Variants in SLC39A11 observed in about 807,000 individuals in gnomAD.
The protein encoded by SLC39A11 is zinc transporter ZIP11.
A neutral mutation model predicts 36.1 loss-of-function variants in SLC39A11; 33 were observed. The ratio of observed to expected loss-of-function variants is 0.91; its 90% CI spans 0.69 to 1.22. SLC39A11 has a LOEUF of 1.22. Among genes scored for constraint, SLC39A11 ranks in the 50% most tolerant of loss-of-function variants. The pLI is 0.00. For missense variants in SLC39A11, 432 were observed against 430.3 expected, an observed-to-expected ratio of 1.00 and a Z score of -0.03; for synonymous variants, 166 against 170.3, an observed-to-expected ratio of 0.97 and a Z score of 0.20.
intron 6 of SLC39A11, among the ~76,000 whole-genome samples, chr17:72,751,938 C>T (rs778800586): frequency 1.3e-5 from 2 of 152,010 alleles, no homozygotes; most frequent in African/African-American, 4.8e-5. Context: ...GATCCCCATT[C>T]CTCCTCCTCC....
intron 5 of SLC39A11, among the ~76,000 whole-genome samples, chr17:72,875,922 T>C (rs1326507853): frequency 6.6e-6 from 1 of 152,192 alleles, no homozygotes; most frequent in Non-Finnish European, 1.5e-5. Context: ...GGCAACATCC[T>C]GGAGCTACCA....
At chr17:72,970,635 T>TGCACC (rs1326894213) in intron 4 of SLC39A11, among the ~76,000 whole-genome samples, 4 of 152,220 alleles carry the variant, frequency 2.6e-5, no homozygotes, top group African/African-American at 9.6e-5. Flanking sequence ...TCAGCTGTAA[T>TGCACC]GCACCGGGAA....
At chr17:72,996,266 T>TG (rs1372459604) in intron 4 of SLC39A11, among the ~76,000 whole-genome samples, 1 of 152,210 alleles carries the variant, frequency 6.6e-6, no homozygotes, top group Non-Finnish European at 1.5e-5. Context: ...CGTGGCCGCT[T>TG]GAACGTTTGG....
chr17:72,708,357 T>C (rs181637910), intron 7 of SLC39A11, among the ~76,000 whole-genome samples: 1 of 152,310 alleles, frequency 6.6e-6, no homozygotes, highest in East Asian at 1.9e-4. Flanking sequence ...GGAAAAATAC[T>C]CTCCAGCAGA....
At chr17:72,807,047 CT>C (rs2077278503) in intron 6 of SLC39A11, among the ~76,000 whole-genome samples, 1 of 152,146 alleles carries the variant, frequency 6.6e-6, no homozygotes, top group Non-Finnish European at 1.5e-5. Flanking sequence ...TCAACTTCAT[CT>C]TTTCATCCTT....
chr17:72,664,072 C>G (rs192367293), intron 7 of SLC39A11: 1 of 160,654 alleles, frequency 6.2e-6, no homozygotes, highest in South Asian at 2.1e-4. Flanking sequence ...AAGGGACACC[C>G]GCCTAGCCAG....
At chr17:72,916,082 T>C (rs1051916477) in intron 5 of SLC39A11, among the ~76,000 whole-genome samples, 1 of 152,162 alleles carries the variant, frequency 6.6e-6, no homozygotes, top group Non-Finnish European at 1.5e-5. Context: ...GAACTTCTGC[T>C]CAATTAATGA....
intron 3 of SLC39A11, among the ~76,000 whole-genome samples, chr17:73,035,531 A>ACT (rs2058878461): frequency 6.6e-6 from 1 of 152,126 alleles, no homozygotes; most frequent in Non-Finnish European, 1.5e-5. Context: ...AGTAAAAAGG[A>ACT]CTCTGCACAT....
At chr17:72,806,707 T>C (rs11653844) in intron 6 of SLC39A11, among the ~76,000 whole-genome samples, 4 of 152,102 alleles carry the variant, frequency 2.6e-5, no homozygotes, top group African/African-American at 9.7e-5. Flanking sequence ...CTCAGCCTCC[T>C]GAGTAGCTGG....
intron 7 of SLC39A11, among the ~76,000 whole-genome samples, chr17:72,678,770 A>G (rs61105308): frequency 0.23 from 35,339 of 151,930 alleles, 4,202 homozygotes; most frequent in South Asian, 0.3. Context: ...TCATCGATTC[A>G]CAAATAATTT....
At chr17:72,967,399 A>AGTGTGTGTGTGTGTGT (rs1555655753) in intron 4 of SLC39A11, among the ~76,000 whole-genome samples, 131 of 138,274 alleles carry the variant, frequency 9.5e-4, no homozygotes, top group African/African-American at 3.6e-3. Context: ...AGAGAGAGAG[A>AGTGTGTGTGTGTGTGT]GTGTGTGTGT....
At chr17:72,853,605 G>T (rs774096767) in intron 5 of SLC39A11, among the ~76,000 whole-genome samples, 7 of 152,024 alleles carry the variant, frequency 4.6e-5, no homozygotes, top group Non-Finnish European at 8.8e-5. Flanking sequence ...TGCACGCCTG[G>T]CCCCAGGCTT....
At chr17:72,726,043 C>T in intron 7 of SLC39A11, among the ~76,000 whole-genome samples, 1 of 152,182 alleles carries the variant, frequency 6.6e-6, no homozygotes, top group Non-Finnish European at 1.5e-5. Context: ...AGCCACTCTC[C>T]AGGGAGACCA....
intron 6 of SLC39A11, among the ~76,000 whole-genome samples, chr17:72,821,454 C>T (rs1249065061): frequency 1.5e-5 from 2 of 131,024 alleles, no homozygotes; most frequent in African/African-American, 2.9e-5. Flanking sequence ...TGTGGTGAGC[C>T]AAGATTGTAC....
chr17:72,779,578 T>C (rs1568077742), intron 6 of SLC39A11, among the ~76,000 whole-genome samples: 2 of 152,192 alleles, frequency 1.3e-5, no homozygotes, highest in African/African-American at 4.8e-5. Context: ...CACCTGACCG[T>C]GCTAACCCAT....
chr17:72,752,495 T>C (rs2075194806), intron 6 of SLC39A11, among the ~76,000 whole-genome samples: 1 of 152,172 alleles, frequency 6.6e-6, no homozygotes, highest in Non-Finnish European at 1.5e-5. Context: ...TCTGCCTGCC[T>C]CAGCCTCCCA....
At chr17:72,740,893 G>A (rs1322828512) in intron 6 of SLC39A11, among the ~76,000 whole-genome samples, 1 of 152,162 alleles carries the variant, frequency 6.6e-6, no homozygotes, top group Non-Finnish European at 1.5e-5. Flanking sequence ...TCCTGCCTCA[G>A]CCTCCCGAGT....
intron 6 of SLC39A11, among the ~76,000 whole-genome samples, chr17:72,791,383 C>G (rs140018385): frequency 6.6e-6 from 1 of 152,154 alleles, no homozygotes; most frequent in South Asian, 2.1e-4. Flanking sequence ...ACCTGGGAGG[C>G]AGAGATTGCA....
intron 6 of SLC39A11, among the ~76,000 whole-genome samples, chr17:72,780,546 G>T (rs964146424): frequency 6.7e-6 from 1 of 149,356 alleles, no homozygotes; most frequent in Non-Finnish European, 1.5e-5. Flanking sequence ...GCACAACTGT[G>T]TGTCTGCTTT....
Sources: allele counts gnomAD v4.1 joint callset (sites outside exome capture counted in the v4.1 genomes callset), GRCh38; gene constraint gnomAD v4.1.1; transcripts MANE v1.5; gene names NCBI Gene and HGNC (gene_info 2026-07-23, HGNC 2026-07-21).